Variants in SUMF1 observed in about 807,000 individuals in gnomAD.
SUMF1 encodes the protein sulfatase modifying factor 1.
Under a neutral mutation model 47.6 loss-of-function variants are expected in SUMF1, and 48 were observed. The observed-to-expected ratio is 1.01, with a 90% CI of 0.80 to 1.28. The LOEUF (loss-of-function observed/expected upper bound fraction) is 1.28. SUMF1 is among the 50% of genes most tolerant of loss of function. The probability of loss-of-function intolerance (pLI) is 0.00; values close to 1 mark genes in which losing one functional copy is unlikely to be tolerated. For missense variants in SUMF1, 571 were observed against 485.4 expected (o/e 1.18, Z -1.66); for synonymous variants, 230 against 192.1 (o/e 1.20, Z -1.63).
At chr3:4,398,599 C>T (rs1189990381) in intron 7 of SUMF1, among the ~76,000 whole-genome samples, 2 of 151,924 alleles carry the variant, frequency 1.3e-5, no homozygotes, top group South Asian at 2.1e-4. Flanking sequence ...ACAAGTCAGA[C>T]GTCAGATACA....
chr3:4,060,185 T>C (rs957922203), intron 9 of SUMF1, among the ~76,000 whole-genome samples: 8 of 152,224 alleles, frequency 5.3e-5, no homozygotes, highest in African/African-American at 1.9e-4. Context: ...AGGCAAGCAA[T>C]ATGTCAGAAC....
chr3:4,424,547 T>C (rs1453141090), intron 3 of SUMF1, among the ~76,000 whole-genome samples: 1 of 152,166 alleles, frequency 6.6e-6, no homozygotes, highest in Non-Finnish European at 1.5e-5. Context: ...GAAGCAAGTA[T>C]GCAAAGATAT....
intron 9 of SUMF1, among the ~76,000 whole-genome samples, chr3:4,052,594 G>A (rs1432303230): frequency 1.3e-5 from 2 of 152,092 alleles, no homozygotes; most frequent in Non-Finnish European, 2.9e-5. Flanking sequence ...CCCGGACTAT[G>A]TGCTAATAAG....
At chr3:4,274,968 T>A (rs1022145756) in intron 8 of SUMF1, among the ~76,000 whole-genome samples, 2 of 152,126 alleles carry the variant, frequency 1.3e-5, no homozygotes, top group African/African-American at 4.8e-5. Flanking sequence ...ACAGGCCTGA[T>A]GAAGCCCTGA....
At chr3:4,377,227 A>G (rs191791194) in intron 7 of SUMF1, among the ~76,000 whole-genome samples, 85 of 152,352 alleles carry the variant, frequency 5.6e-4, no homozygotes, top group Non-Finnish European at 1.0e-3. Flanking sequence ...ATTAATATAC[A>G]GTAAAATTCA....
At chr3:4,317,593 C>T (rs1381090671) in intron 8 of SUMF1, 1 of 162,172 alleles carries the variant, frequency 6.2e-6, no homozygotes, top group African/African-American at 2.4e-5. Flanking sequence ...ATAACGATCA[C>T]ACTTGAAGAA....
intron 6 of SUMF1, among the ~76,000 whole-genome samples, chr3:4,411,939 T>A (rs1197531187): frequency 2.0e-5 from 3 of 152,166 alleles, no homozygotes; most frequent in Non-Finnish European, 2.9e-5. Flanking sequence ...ATGGAAGGAA[T>A]GAATAAACTA....
intron 7 of SUMF1, among the ~76,000 whole-genome samples, chr3:4,402,211 C>T (rs1701234620): frequency 6.6e-6 from 1 of 152,132 alleles, no homozygotes; most frequent in African/African-American, 2.4e-5. Context: ...AATCCTTTCA[C>T]CACTTACCCT....
intron 8 of SUMF1, among the ~76,000 whole-genome samples, chr3:4,259,062 AT>A (rs1697026886): frequency 1.4e-5 from 2 of 145,288 alleles, no homozygotes; most frequent in Non-Finnish European, 3.0e-5. Context: ...GAATTGAACA[AT>A]GAGATCACAT....
intron 8 of SUMF1, among the ~76,000 whole-genome samples, chr3:4,156,900 G>A (rs1694465920): frequency 6.6e-6 from 1 of 151,540 alleles, no homozygotes; most frequent in Non-Finnish European, 1.5e-5. Context: ...GAGTAATGCT[G>A]CTGATTATAA....
At chr3:4,197,610 G>C (rs1695456784) in intron 8 of SUMF1, among the ~76,000 whole-genome samples, 2 of 152,056 alleles carry the variant, frequency 1.3e-5, no homozygotes, top group Admixed American at 1.3e-4. Context: ...GAATACAGTT[G>C]GTCCCCCAAG....
intron 8 of SUMF1, among the ~76,000 whole-genome samples, chr3:4,262,316 T>A (rs1028109905): frequency 6.6e-6 from 1 of 152,100 alleles, no homozygotes; most frequent in African/African-American, 2.4e-5. Flanking sequence ...TATTATAAAT[T>A]CCATCTTCAA....
chr3:4,378,340 T>G (rs769940509), intron 7 of SUMF1, among the ~76,000 whole-genome samples: 2 of 152,148 alleles, frequency 1.3e-5, no homozygotes, highest in Non-Finnish European at 2.9e-5. Flanking sequence ...AAACCACAGT[T>G]TCTACCAAAG....
At chr3:4,450,633 G>T (rs1171674131) in intron 2 of SUMF1, among the ~76,000 whole-genome samples, 1 of 152,012 alleles carries the variant, frequency 6.6e-6, no homozygotes, top group Non-Finnish European at 1.5e-5. Context: ...CTTAAGTGTG[G>T]GAGCACAGAA....
intron 6 of SUMF1, among the ~76,000 whole-genome samples, chr3:4,413,266 G>T (rs530120266): frequency 3.3e-4 from 50 of 152,090 alleles, no homozygotes; most frequent in Non-Finnish European, 6.5e-4. Context: ...TCAGCCTTCC[G>T]AAGTGCTGGG....
chr3:4,064,961 A>G (rs1695344529), intron 9 of SUMF1, among the ~76,000 whole-genome samples: 1 of 152,308 alleles, frequency 6.6e-6, no homozygotes, highest in South Asian at 2.1e-4. Flanking sequence ...GGAAGCACAG[A>G]GGAAGAAACA....
intron 8 of SUMF1, among the ~76,000 whole-genome samples, chr3:4,177,606 A>G (rs1209662811): frequency 1.3e-5 from 2 of 152,160 alleles, no homozygotes; most frequent in Admixed American, 1.3e-4. Flanking sequence ...TAAAATCAAC[A>G]CCCTAATATC....
intron 8 of SUMF1, chr3:4,229,313 T>G (rs1458104674): frequency 3.7e-5 from 15 of 409,142 alleles, no homozygotes; most frequent in Admixed American, 8.4e-5. Context: ...TCCATTCCTG[T>G]GAAATCCTCT....
chr3:4,185,984 A>G (rs370563586), intron 8 of SUMF1, among the ~76,000 whole-genome samples: 10 of 152,234 alleles, frequency 6.6e-5, no homozygotes, highest in African/African-American at 2.2e-4. Flanking sequence ...TGGATATCTC[A>G]AACTCACTTT....
Sources: allele counts gnomAD v4.1 joint callset (sites outside exome capture counted in the v4.1 genomes callset), GRCh38; gene constraint gnomAD v4.1.1; transcripts MANE v1.5; gene names NCBI Gene and HGNC (gene_info 2026-07-23, HGNC 2026-07-21).